MCTP2: variants seen among roughly 807,000 people sequenced by gnomAD.
The protein encoded by MCTP2 is multiple C2 and transmembrane domain-containing protein 2.
A neutral mutation model predicts 111.6 loss-of-function variants in MCTP2; 132 were observed. The observed-to-expected ratio is 1.18, with a 90% confidence interval of 1.03 to 1.37. MCTP2 has a LOEUF of 1.37. Ranked by LOEUF, MCTP2 falls within the 40% of genes most tolerant of loss-of-function variation. The pLI is 0.00. For synonymous variants in MCTP2, 395 were observed against 387.7 expected (o/e 1.02, Z -0.22); for missense variants, 1,183 against 1,067.9 (o/e 1.11, Z -1.50).
At chr15:94,421,979 A>T (rs1405353297) in intron 17 of MCTP2, among the ~76,000 whole-genome samples, 3 of 152,134 alleles carry the variant, frequency 2.0e-5, no homozygotes, top group Non-Finnish European at 2.9e-5. Context: ...TTGCATACAA[A>T]GTGTTTCAAT....
intron 1 of MCTP2, among the ~76,000 whole-genome samples, chr15:94,260,190 G>A (rs1181323167): frequency 6.6e-6 from 1 of 152,156 alleles, no homozygotes; most frequent in Non-Finnish European, 1.5e-5. Context: ...AACTTCTCCT[G>A]TTCCTCAGGG....
chr15:94,298,827 CCT>C, intron 2 of MCTP2, 97 bp downstream of exon 2: 1 of 441,566 alleles, frequency 2.3e-6, no homozygotes, highest in East Asian at 4.0e-5. Context: ...TCTCTTCCCC[CCT>C]CCCCCTCCCT....
intron 4 of MCTP2, among the ~76,000 whole-genome samples, chr15:94,327,890 G>T (rs2076952711): frequency 6.6e-6 from 1 of 152,190 alleles, no homozygotes; most frequent in African/African-American, 2.4e-5. Flanking sequence ...GGATTGATCA[G>T]AATGTCTTGA....
intron 1 of MCTP2, among the ~76,000 whole-genome samples, chr15:94,241,888 T>C (rs963024746): frequency 6.6e-6 from 1 of 152,180 alleles, no homozygotes; most frequent in Non-Finnish European, 1.5e-5. Context: ...CTCAGAATAT[T>C]AAAGAGACTT....
At chr15:94,420,537 G>T (rs2082576623) in intron 17 of MCTP2, among the ~76,000 whole-genome samples, 1 of 152,150 alleles carries the variant, frequency 6.6e-6, no homozygotes, top group Admixed American at 6.6e-5. Flanking sequence ...ATTAACACGA[G>T]TTTAGAAGGA....
At chr15:94,474,518 G>T (rs936171651) in intron 21 of MCTP2, among the ~76,000 whole-genome samples, 1 of 152,186 alleles carries the variant, frequency 6.6e-6, no homozygotes, top group Admixed American at 6.5e-5. Flanking sequence ...CAGAACGGGG[G>T]CCCAGGTATT....
intron 1 of MCTP2, among the ~76,000 whole-genome samples, chr15:94,258,193 G>C (rs867804289): frequency 3.9e-5 from 6 of 151,990 alleles, no homozygotes; most frequent in Middle Eastern, 3.2e-3. Context: ...GAACATTTAT[G>C]TGCTCAAATC....
At chr15:94,452,512 G>A (rs2084525707) in intron 19 of MCTP2, among the ~76,000 whole-genome samples, 1 of 152,176 alleles carries the variant, frequency 6.6e-6, no homozygotes, top group African/African-American at 2.4e-5. Context: ...TTGGGTTGAT[G>A]TAAATAATTA....
chr15:94,383,234 T>C (rs1375076645), intron 12 of MCTP2, among the ~76,000 whole-genome samples: 1 of 152,238 alleles, frequency 6.6e-6, no homozygotes, highest in Non-Finnish European at 1.5e-5. Context: ...TTACACTTTT[T>C]CTCACTTCCT....
chr15:94,387,332 A>T (rs986141530), intron 14 of MCTP2, among the ~76,000 whole-genome samples: 1 of 151,892 alleles, frequency 6.6e-6, no homozygotes, highest in Non-Finnish European at 1.5e-5. Context: ...ACACTAGATA[A>T]CAGTAACGCC....
chr15:94,378,503 G>A (rs2079908767), intron 12 of MCTP2, among the ~76,000 whole-genome samples: 1 of 152,148 alleles, frequency 6.6e-6, no homozygotes, highest in African/African-American at 2.4e-5. Context: ...ACTCCAACCT[G>A]GGTGACAGAG....
At chr15:94,382,932 T>G (rs2080234512) in intron 12 of MCTP2, among the ~76,000 whole-genome samples, 1 of 152,250 alleles carries the variant, frequency 6.6e-6, no homozygotes, top group African/African-American at 2.4e-5. Flanking sequence ...GGAAGTGAGT[T>G]TTTTGCTTGG....
chr15:94,305,225 C>G (rs777139629), intron 2 of MCTP2, among the ~76,000 whole-genome samples: 3 of 152,170 alleles, frequency 2.0e-5, no homozygotes, highest in Non-Finnish European at 4.4e-5. Flanking sequence ...CACCAGAGGT[C>G]TCTCATTCCC....
At chr15:94,390,068 A>ATATATATATATG (rs2080803795) in intron 14 of MCTP2, among the ~76,000 whole-genome samples, 1 of 25,850 alleles carries the variant, frequency 3.9e-5, no homozygotes, top group Non-Finnish European at 1.0e-4. Flanking sequence ...ATATATATAT[A>ATATATATATATG]TATATATATA....
intron 17 of MCTP2, chr15:94,402,741 T>C (rs371975991): frequency 1.4e-6 from 2 of 1,433,028 alleles, no homozygotes; most frequent in African/African-American, 1.4e-5. Flanking sequence ...ATGTCAGCCA[T>C]GGGAGGAGAA....
chr15:94,231,777 T>A (rs923729207), intron 1 of MCTP2, 113 bp downstream of exon 1: 2 of 152,184 alleles, frequency 1.3e-5, no homozygotes, highest in African/African-American at 4.8e-5. Flanking sequence ...AGCTGGAGGG[T>A]CCAGGATGAG....
In MCTP2 at chr15:94,406,828, G is replaced by A. The variant is rs373393113; in HGVS notation, c.2085+4809G>A. On this transcript the variant is annotated intron_variant, in intron 17 of 22. Transcript: ENST00000357742. The stretch of plus-strand genomic sequence containing the variant: ...AAAAACAGAAAACAACTAGTGGAAG[G>A]GATCATGGAAGGCATTGGACTTTTC... Among the ~76,000 whole-genome samples the A allele has an allele frequency of 9.4e-4, 143 of 151,378 alleles. 1 individual carries two copies. In the South Asian group the frequency reaches 0.029, roughly 31 times the overall value.
intron 4 of MCTP2, among the ~76,000 whole-genome samples, chr15:94,320,877 A>T (rs1336497952): frequency 6.6e-6 from 1 of 152,214 alleles, no homozygotes; most frequent in Admixed American, 6.5e-5. Context: ...TGGGTGGCTC[A>T]GTGGGACAAG....
intron 17 of MCTP2, among the ~76,000 whole-genome samples, chr15:94,439,529 C>T (rs887352070): frequency 1.3e-5 from 2 of 152,064 alleles, no homozygotes; most frequent in Non-Finnish European, 2.9e-5. Context: ...GAACCATCTA[C>T]CTGCATTCAT....
Sources: allele counts gnomAD v4.1 joint callset (sites outside exome capture counted in the v4.1 genomes callset), GRCh38; gene constraint gnomAD v4.1.1; transcripts MANE v1.5; gene names NCBI Gene and HGNC (gene_info 2026-07-23, HGNC 2026-07-21).